PPFIA2: variants seen among roughly 807,000 people sequenced by gnomAD.
The protein encoded by PPFIA2 is PPFI scaffold protein A2.
Under a neutral mutation model 175.5 loss-of-function variants are expected in PPFIA2, and 46 were observed. That is an observed-to-expected ratio of 0.26 (90% CI 0.21 to 0.34). PPFIA2 has a LOEUF of 0.34. Ranked by LOEUF, PPFIA2 falls within the 10% of genes least tolerant of loss-of-function variation. The pLI, the probability that PPFIA2 is intolerant of heterozygous loss-of-function variation, is 1.00. For synonymous variants in PPFIA2, 568 were observed against 511.4 expected (o/e 1.11, Z -1.49); for missense variants, 1,179 against 1,506.1 (o/e 0.78, Z 3.60).
intron 3 of PPFIA2, 80 bp downstream of exon 3, chr12:81,753,893 A>G: frequency 6.6e-7 from 1 of 1,510,166 alleles, no homozygotes; most frequent in Non-Finnish European, 9.0e-7. Flanking sequence ...GTGGAAAAGT[A>G]ACATTAAGAA....
At chr12:81,262,754 G>A (rs911894214) in intron 31 of PPFIA2, among the ~76,000 whole-genome samples, 1 of 152,108 alleles carries the variant, frequency 6.6e-6, no homozygotes, top group African/African-American at 2.4e-5. Flanking sequence ...TTCATGGCTT[G>A]TTTATTTAAG....
At chr12:81,677,656 G>C (rs2072807287) in intron 3 of PPFIA2, among the ~76,000 whole-genome samples, 2 of 151,712 alleles carry the variant, frequency 1.3e-5, no homozygotes, top group Admixed American at 1.3e-4. Context: ...CATCCATGCT[G>C]TTGCAAATTT....
chr12:81,397,360 A>C (rs530560432), intron 8 of PPFIA2, among the ~76,000 whole-genome samples: 36 of 152,124 alleles, frequency 2.4e-4, no homozygotes, highest in African/African-American at 8.4e-4. Context: ...CAGAAGTCAG[A>C]GGGAGGAAAA....
chr12:81,519,410 A>G (rs2062843301), intron 4 of PPFIA2, among the ~76,000 whole-genome samples: 1 of 152,232 alleles, frequency 6.6e-6, no homozygotes, highest in Non-Finnish European at 1.5e-5. Context: ...AGGTAAATCA[A>G]CCATGACAAG....
chr12:81,501,802 G>A (rs2060625205), intron 4 of PPFIA2, among the ~76,000 whole-genome samples: 1 of 152,078 alleles, frequency 6.6e-6, no homozygotes. Context: ...TCTTTTCAAG[G>A]TGAAAGTTGG....
chr12:81,435,484 GA>G (rs1277315096), intron 7 of PPFIA2, among the ~76,000 whole-genome samples: 1 of 151,958 alleles, frequency 6.6e-6, no homozygotes, highest in East Asian at 1.9e-4. Context: ...AGCGATCAAT[GA>G]AAGAGATTAT....
chr12:81,720,272 G>T (rs548183909), intron 3 of PPFIA2, among the ~76,000 whole-genome samples: 41 of 151,518 alleles, frequency 2.7e-4, no homozygotes, highest in Non-Finnish European at 1.0e-4. Context: ...TTCTGTAAAA[G>T]GCTCTTACTG....
intron 4 of PPFIA2, among the ~76,000 whole-genome samples, chr12:81,491,632 A>C (rs1354627942): frequency 1.8e-4 from 27 of 151,970 alleles, no homozygotes; most frequent in Admixed American, 1.8e-3. Context: ...TGAGGATACA[A>C]TAGGAAGCAG....
chr12:81,652,354 G>C lies in PPFIA2; in HGVS notation c.303+24437C>G, dbSNP rs1281350102. 2.6e-5 allele frequency among the ~76,000 whole-genome samples: 4 copies of C among 151,226 alleles called. No homozygotes were observed. In the East Asian group the frequency reaches 5.8e-4, roughly 22 times the overall value. ...CTTACAAAGTTATCATTGGCGATTT[G>C]CTTCAGAATTTCATTTCCATCTCAT... On this transcript the variant is annotated intron_variant, in intron 4 of 32. Transcript: ENST00000549396.
At position 81,541,867 on chromosome 12, in the gene PPFIA2, C is replaced by G. The variant is rs78078968; in HGVS notation, c.304-84001G>C. Among the ~76,000 whole-genome samples, 619 of 152,090 alleles carry G rather than the reference C, an allele frequency of 4.1e-3. 4 individuals are homozygous for G. The highest frequency in any genetic ancestry group is 0.014 in the African/African-American group (576 of 41,498). ...AGTAAATGGTGACTGATGCTGGGAG[C>G]CAGGCTTCTCATATTGGAGTTGGAA... On this transcript the variant is annotated intron_variant, in intron 4 of 32. Coordinates refer to ENST00000549396, the MANE Select transcript of PPFIA2 (RefSeq NM_003625.5).
chr12:81,724,089 T>C (rs561909415), intron 3 of PPFIA2, among the ~76,000 whole-genome samples: 2 of 150,978 alleles, frequency 1.3e-5, no homozygotes, highest in South Asian at 4.2e-4. Flanking sequence ...TTTGGCTTGG[T>C]TACAATGCTC....
chr12:81,579,175 A>G (rs1045224323), intron 4 of PPFIA2, among the ~76,000 whole-genome samples: 1 of 151,788 alleles, frequency 6.6e-6, no homozygotes, highest in African/African-American at 2.4e-5. Flanking sequence ...TAAAAGCAAA[A>G]GTGACACTCA....
intron 4 of PPFIA2, among the ~76,000 whole-genome samples, chr12:81,521,018 T>A (rs966403651): frequency 1.2e-4 from 18 of 152,200 alleles, no homozygotes; most frequent in African/African-American, 4.3e-4. Flanking sequence ...CAGAAATGTC[T>A]ATTTATATGT....
intron 3 of PPFIA2, among the ~76,000 whole-genome samples, chr12:81,677,955 G>A (rs1393168975): frequency 6.6e-6 from 1 of 151,762 alleles, no homozygotes; most frequent in African/African-American, 2.4e-5. Flanking sequence ...AGGTTTTAAA[G>A]TAAAATCACC....
intron 4 of PPFIA2, among the ~76,000 whole-genome samples, chr12:81,477,112 A>G (rs2057575501): frequency 6.6e-6 from 1 of 152,108 alleles, no homozygotes; most frequent in Admixed American, 6.6e-5. Context: ...TGCTGTGCTT[A>G]ATACTTAGGT....
Position 81,340,333 on chromosome 12 carries a change from G to A in PPFIA2, c.2393+745C>T, listed in dbSNP as rs147685941. ...TATCTAGAAGATAGATATTTTTATT[G>A]AAGCATTCATCCTTAAGTCATTATA... On this transcript the variant is annotated intron_variant, in intron 20 of 32. Transcript: ENST00000549396. 1.6e-3 allele frequency among the ~76,000 whole-genome samples: 241 copies of A among 152,030 alleles called. 1 individual carries two copies. The highest frequency in any genetic ancestry group is 5.7e-3 in the African/African-American group (235 of 41,498).
chr12:81,577,280 A>C (rs2073716444), intron 4 of PPFIA2, among the ~76,000 whole-genome samples: 1 of 151,866 alleles, frequency 6.6e-6, no homozygotes, highest in Non-Finnish European at 1.5e-5. Context: ...AGAGCTTTTA[A>C]AAAGTTTATT....
intron 21 of PPFIA2, among the ~76,000 whole-genome samples, chr12:81,327,307 T>G (rs1335611328): frequency 6.6e-6 from 1 of 152,028 alleles, no homozygotes; most frequent in Non-Finnish European, 1.5e-5. Flanking sequence ...TACTTAAATC[T>G]TTTTTTATTA....
intron 4 of PPFIA2, among the ~76,000 whole-genome samples, chr12:81,479,153 TC>T (rs1457670134): frequency 1.3e-5 from 2 of 152,190 alleles, no homozygotes; most frequent in African/African-American, 4.8e-5. Flanking sequence ...GTTGCATTGA[TC>T]CCTTTACCAG....
Sources: allele counts gnomAD v4.1 joint callset (sites outside exome capture counted in the v4.1 genomes callset), GRCh38; gene constraint gnomAD v4.1.1; transcripts MANE v1.5; gene names NCBI Gene and HGNC (gene_info 2026-07-23, HGNC 2026-07-21).